NR5A2: variants seen among roughly 807,000 people sequenced by gnomAD.
NR5A2 encodes nuclear receptor subfamily 5 group A member 2.
Under a neutral mutation model 62.7 loss-of-function variants are expected in NR5A2, and 26 were observed. That is an observed-to-expected ratio of 0.41 (90% CI 0.30 to 0.58). The LOEUF is 0.58. Among genes scored for constraint, NR5A2 ranks in the 20% least tolerant of loss-of-function variants. NR5A2 has a pLI of 0.22. For missense variants in NR5A2, 541 were observed against 669.1 expected, an observed-to-expected ratio of 0.81 and a Z score of 2.11; for synonymous variants, 246 against 241.7, an observed-to-expected ratio of 1.02 and a Z score of -0.16.
At chr1:200,068,700 G>A (rs544248932) in intron 5 of NR5A2, among the ~76,000 whole-genome samples, 4 of 152,104 alleles carry the variant, frequency 2.6e-5, no homozygotes, top group Non-Finnish European at 5.9e-5. Flanking sequence ...AAAAGCCATG[G>A]GATTTTCTGT....
At chr1:200,119,154 C>T (rs984733728) in intron 6 of NR5A2, among the ~76,000 whole-genome samples, 5 of 152,132 alleles carry the variant, frequency 3.3e-5, no homozygotes, top group African/African-American at 1.2e-4. Context: ...GGTTTCTGTA[C>T]ACCCAGTATT....
rs1010728915 is a variant in NR5A2 at position 200,176,432 on chromosome 1, C to T, written c.*2222C>T. On this transcript the variant is annotated 3_prime_UTR_variant, in exon 8 of 8. Coordinates refer to ENST00000367362, the MANE Select transcript of NR5A2 (RefSeq NM_205860.3). ...GGCTCAAAGGACAATGCAAAATCGC[C>T]GATCAGAGCTCATACCCAAAGCATT... 3 of 152,534 alleles carry T rather than the reference C, an allele frequency of 2.0e-5. No individual in the cohort carries two copies. 9.4% of individuals were successfully genotyped at this position (152,534 alleles called of 1,614,324 possible). A position where few individuals can be genotyped will look rare whatever the true frequency, so the allele number is the denominator to read the frequency against.
At position 200,131,208 on chromosome 1, in the gene NR5A2, T is replaced by C. The variant is rs1666956045; in HGVS notation, c.1378+10253T>C. Among the ~76,000 whole-genome samples, 3 of 152,112 alleles carry C rather than the reference T, an allele frequency of 2.0e-5. No homozygotes were observed. The South Asian group carries it at 6.2e-4, about 31-fold the overall frequency. On this transcript the variant is annotated intron_variant, in intron 7 of 7. Coordinates refer to ENST00000367362, the MANE Select transcript of NR5A2 (RefSeq NM_205860.3). Reference sequence around the variant, plus strand: ...CATATAAAGTTGATGCTTGTCTTAATTAAATGCAGTATAATAGGTGTTGTG... The same window carrying C: ...CATATAAAGTTGATGCTTGTCTTAACTAAATGCAGTATAATAGGTGTTGTG...
rs1667769737 is a variant in NR5A2, at chr1:200,147,638, T to C, written c.1379-26325T>C. On this transcript the variant is annotated intron_variant, in intron 7 of 7. Transcript: ENST00000367362. This position sits in a 1 kb window ranked among gnomAD's most constrained non-coding sequence, Gnocchi z 4.9. Reference sequence around the variant, plus strand: ...AGGCAGCGCCGCAGCTTGCCCTGGATCTTGTCGATTGAGTTGAAGTCGGAC... The same window carrying C: ...AGGCAGCGCCGCAGCTTGCCCTGGACCTTGTCGATTGAGTTGAAGTCGGAC... The C allele has an allele frequency of 1.4e-6, 1 of 709,390 alleles. No individual in the cohort carries two copies. Among genetic ancestry groups the C allele is most frequent in the Non-Finnish European group, 2.6e-6 (1 of 377,996 alleles). 43.9% of individuals were successfully genotyped at this position (709,390 alleles called of 1,614,324 possible).
chr1:200,169,753 A>G (rs1037998948), intron 7 of NR5A2, among the ~76,000 whole-genome samples: 1 of 152,250 alleles, frequency 6.6e-6, no homozygotes, highest in Non-Finnish European at 1.5e-5. Context: ...GCTATAGAGA[A>G]AGGGTTGGGG....
At chr1:200,060,092 G>A (rs1558113060) in intron 5 of NR5A2, among the ~76,000 whole-genome samples, 1 of 152,076 alleles carries the variant, frequency 6.6e-6, no homozygotes, top group African/African-American at 2.4e-5. Flanking sequence ...GGCTTCATGG[G>A]GCACACTAAC....
chr1:200,148,852 TTTC>T lies in NR5A2; in HGVS notation c.1379-25104_1379-25102del, dbSNP rs764214732. Among the ~76,000 whole-genome samples the T allele has an allele frequency of 7.9e-5, 12 of 152,090 alleles. No individual in the cohort carries two copies. The East Asian group carries it at 1.5e-3, about 20-fold the overall frequency. On this transcript the variant is annotated intron_variant, in intron 7 of 7. Transcript: ENST00000367362. ...CCTGTCCTTATAAGGGTGGAGGTTT[TTTC>T]TTCTTCATCTTTTTGTCTCCAACTC...
chr1:200,124,397 A>C (rs1395887643), intron 7 of NR5A2, among the ~76,000 whole-genome samples: 3 of 152,110 alleles, frequency 2.0e-5, no homozygotes, highest in Non-Finnish European at 4.4e-5. Flanking sequence ...AGTACAGTGG[A>C]CTCAAGTCCT....
intron 5 of NR5A2, among the ~76,000 whole-genome samples, chr1:200,054,354 T>C (rs1425600055): frequency 2.0e-5 from 3 of 149,102 alleles, no homozygotes; most frequent in African/African-American, 7.5e-5. Flanking sequence ...TGGCTTTTTT[T>C]TTCAGTTATT....
intron 5 of NR5A2, among the ~76,000 whole-genome samples, chr1:200,081,133 T>G (rs989673029): frequency 1.3e-5 from 2 of 152,228 alleles, no homozygotes; most frequent in African/African-American, 2.4e-5. Context: ...TTTCCACTTG[T>G]TGCTTGGATA....
intron 1 of NR5A2, among the ~76,000 whole-genome samples, chr1:200,037,953 T>C (rs1263390253): frequency 6.6e-6 from 1 of 152,246 alleles, no homozygotes; most frequent in Non-Finnish European, 1.5e-5. Context: ...GTGTAATCTC[T>C]ATACCATTCA....
intron 7 of NR5A2, among the ~76,000 whole-genome samples, chr1:200,141,474 T>G (rs1160729630): frequency 6.6e-6 from 1 of 152,254 alleles, no homozygotes; most frequent in African/African-American, 2.4e-5. Context: ...TGTTCTTTGG[T>G]ATGGATATAC....
chr1:200,173,457 A>T (rs945595432), intron 7 of NR5A2, among the ~76,000 whole-genome samples: 1 of 152,246 alleles, frequency 6.6e-6, no homozygotes, highest in African/African-American at 2.4e-5. Flanking sequence ...CAAGTCAAAG[A>T]CTTTCAGAAT....
chr1:200,133,995 A>T (rs979139167), intron 7 of NR5A2, among the ~76,000 whole-genome samples: 2 of 152,142 alleles, frequency 1.3e-5, no homozygotes, highest in East Asian at 3.9e-4. Context: ...TAACAAAAAA[A>T]GTTTAAAAAG....
intron 2 of NR5A2, chr1:200,043,069 T>A (rs1662192739): frequency 1.1e-6 from 1 of 913,848 alleles, no homozygotes; most frequent in African/African-American, 1.8e-5. Context: ...TCTTCTGGTA[T>A]TTTTCCCCGT....
chr1:200,141,553 C>G (rs1667444235), intron 7 of NR5A2, among the ~76,000 whole-genome samples: 1 of 152,098 alleles, frequency 6.6e-6, no homozygotes, highest in Admixed American at 6.5e-5. Flanking sequence ...TGGGGTACTA[C>G]AAATAAGCTG....
intron 5 of NR5A2, among the ~76,000 whole-genome samples, chr1:200,077,993 G>A (rs1053219664): frequency 6.6e-6 from 1 of 152,224 alleles, no homozygotes; most frequent in Middle Eastern, 3.4e-3. Flanking sequence ...AGGGCTTCAT[G>A]GACTCATTGA....
At chr1:200,127,465 T>C (rs1448759860) in intron 7 of NR5A2, among the ~76,000 whole-genome samples, 1 of 151,368 alleles carries the variant, frequency 6.6e-6, no homozygotes, top group Admixed American at 6.6e-5. Context: ...TCACCTGAGG[T>C]CAAGAGTTTG....
chr1:200,152,854 T>C (rs1653193263), intron 7 of NR5A2, among the ~76,000 whole-genome samples: 1 of 152,194 alleles, frequency 6.6e-6, no homozygotes, highest in African/African-American at 2.4e-5. Flanking sequence ...AAAGGTATGC[T>C]CTGCAAGGAC....
Sources: allele counts gnomAD v4.1 joint callset (sites outside exome capture counted in the v4.1 genomes callset), GRCh38; gene constraint gnomAD v4.1.1; non-coding constraint Gnocchi (gnomAD v3.1); transcripts MANE v1.5; gene names NCBI Gene and HGNC (gene_info 2026-07-23, HGNC 2026-07-21).